COPA: variants seen among roughly 807,000 people sequenced by gnomAD.
COPA encodes coat protein complex I subunit alpha.
COPA carries 10 observed loss-of-function variants against 158.7 expected under a neutral mutation model. The ratio of observed to expected loss-of-function variants is 0.06; its 90% CI spans 0.04 to 0.11. COPA has a LOEUF of 0.11. Among genes scored for constraint, COPA ranks in the 10% least tolerant of loss-of-function variants. The pLI is 1.00. For synonymous variants in COPA, 462 were observed against 542.8 expected (o/e 0.85, Z 2.07); for missense variants, 1,065 against 1,536.7 (o/e 0.69, Z 5.13).
intron 8 of COPA, among the ~76,000 whole-genome samples, chr1:160,321,419 A>G (rs1259312207): frequency 6.6e-6 from 1 of 152,240 alleles, no homozygotes; most frequent in South Asian, 2.1e-4. Context: ...ACATTATCAT[A>G]TACTTAGAAA....
At chr1:160,305,019 A>T (rs1658736855) in intron 17 of COPA, among the ~76,000 whole-genome samples, 1 of 152,208 alleles carries the variant, frequency 6.6e-6, no homozygotes, top group Non-Finnish European at 1.5e-5. Context: ...GCAAAACTAA[A>T]TCATATTAAG....
chr1:160,307,440 C>A (rs988311791), intron 13 of COPA, among the ~76,000 whole-genome samples, 195 bp from the exon 14 acceptor site: 1 of 152,236 alleles, frequency 6.6e-6, no homozygotes, highest in Non-Finnish European at 1.5e-5. Flanking sequence ...CAAACACCAA[C>A]CACCACCCCT....
chr1:160,337,588 G>A (rs982046465), intron 3 of COPA, among the ~76,000 whole-genome samples: 5 of 152,034 alleles, frequency 3.3e-5, no homozygotes, highest in Non-Finnish European at 7.4e-5. Flanking sequence ...GCTTGGTGGC[G>A]CATGCCTGTA....
At chr1:160,328,729 A>G (rs1647367066) in intron 6 of COPA, among the ~76,000 whole-genome samples, 1 of 152,236 alleles carries the variant, frequency 6.6e-6, no homozygotes. Context: ...TAGAAGCTCA[A>G]GTTAAGAAAG....
chr1:160,321,293 T>A (rs988408313), intron 8 of COPA, among the ~76,000 whole-genome samples: 2 of 152,196 alleles, frequency 1.3e-5, no homozygotes, highest in African/African-American at 2.4e-5. Context: ...AAGGCAAGGA[T>A]GCCCACTTTT....
intron 17 of COPA, among the ~76,000 whole-genome samples, chr1:160,301,887 G>A (rs1342942163): frequency 6.6e-6 from 1 of 151,366 alleles, no homozygotes; most frequent in Non-Finnish European, 1.5e-5. Flanking sequence ...AAAAGAAATA[G>A]CAAAATTCCT....
At chr1:160,339,861 TC>T in intron 3 of COPA, 47 bp downstream of exon 3, 1 of 1,552,396 alleles carries the variant, frequency 6.4e-7, no homozygotes, top group Non-Finnish European at 8.9e-7. Context: ...TCCCAAACCT[TC>T]CCACATCCTC....
chr1:160,338,926 T>C (rs1274810280), intron 3 of COPA, among the ~76,000 whole-genome samples: 1 of 152,170 alleles, frequency 6.6e-6, no homozygotes, highest in African/African-American at 2.4e-5. Context: ...ATCACAAATA[T>C]ATTTCTAGCA....
At chr1:160,312,946 G>T in intron 10 of COPA, 139 bp downstream of exon 10, 1 of 705,422 alleles carries the variant, frequency 1.4e-6, no homozygotes, top group Non-Finnish European at 2.3e-6. Flanking sequence ...AAGGAGAAAA[G>T]CTTCAACTAA....
At chr1:160,342,602 T>C (rs186977240) in intron 1 of COPA, among the ~76,000 whole-genome samples, 34 of 152,300 alleles carry the variant, frequency 2.2e-4, no homozygotes, top group African/African-American at 7.7e-4. Context: ...GAGACTTTAT[T>C]GGGGTTATAA....
chr1:160,290,115 G>C lies in COPA; in HGVS notation c.*42C>G. On this transcript the variant is annotated 3_prime_UTR_variant, in exon 33 of 33. Coordinates refer to ENST00000241704, the MANE Select transcript of COPA (RefSeq NM_004371.4). ...AAGGAGGATATAGACACATTCTCTG[G>C]GGGGAACATATGGTGACTGACCCAT... is the stretch of plus-strand genomic sequence containing the variant. 6.3e-7 allele frequency: 1 copy of C among 1,591,836 alleles called. No homozygotes were observed. The highest frequency in any genetic ancestry group is 1.7e-4 in the Middle Eastern group (1 of 5,996).
Position 160,328,613 on chromosome 1 carries a change from C to A in COPA, c.497-2961G>T, listed in dbSNP as rs150972423. Among the ~76,000 whole-genome samples, 104 of 152,268 alleles carry A rather than the reference C, an allele frequency of 6.8e-4. 1 individual carries two copies. Among genetic ancestry groups the A allele is most frequent in the African/African-American group, 2.3e-3 (97 of 41,560 alleles). ...GAGGGATGATAACAGGATTTGGCAGCAAATTAATACTTTTTTAGTAGCCTT... is the reference window on the plus strand; with the variant it reads ...GAGGGATGATAACAGGATTTGGCAGAAAATTAATACTTTTTTAGTAGCCTT... On this transcript the variant is annotated intron_variant, in intron 6 of 32. Coordinates refer to ENST00000241704, the MANE Select transcript of COPA (RefSeq NM_004371.4).
At chr1:160,294,376 G>A in intron 25 of COPA, 108 bp downstream of exon 25, 1 of 902,354 alleles carries the variant, frequency 1.1e-6, no homozygotes, top group Non-Finnish European at 1.8e-6. Context: ...TAGGATAGTG[G>A]TAGGGGATAG....
At position 160,309,619 on chromosome 1, in the gene COPA, C is replaced by CA. The variant is rs559881474; in HGVS notation, c.1144-444dup. Among the ~76,000 whole-genome samples, 79 of 151,744 alleles carry CA rather than the reference C, an allele frequency of 5.2e-4. 1 individual carries two copies. The East Asian group carries it at 0.014, about 26-fold the overall frequency. On this transcript the variant is annotated intron_variant, in intron 12 of 32. Coordinates refer to ENST00000241704, the MANE Select transcript of COPA (RefSeq NM_004371.4). The stretch of plus-strand genomic sequence containing the variant: ...AAAAGAAAAAACACTCAAGAAAACT[C>CA]AGAGTATGGGACTACTAGATATTAA...
intron 15 of COPA, 36 bp from the exon 16 acceptor site, chr1:160,305,809 C>G: frequency 6.4e-7 from 1 of 1,550,668 alleles, no homozygotes; most frequent in Non-Finnish European, 8.9e-7. Context: ...ATGAATGGAT[C>G]TATTTCCCTT....
rs1231813336 is a variant in COPA at position 160,296,122 on chromosome 1, G to A, written c.2291C>T (p.Thr764Ile). ...CTCAGCTTCTTCATCTAAGCCATGG[G>A]TAGCAGCTGTGAGATAGGCCAGGGA... Reference protein sequence around the residue: ...QKSLAYLTAATHGLDEEAESL... With the variant: ...QKSLAYLTAAIHGLDEEAESL... The change falls in exon 22 of 33, where the codon ACC becomes ATC. Residue 764 changes from threonine to isoleucine, a missense_variant. Physicochemically the swap from Thr to Ile is moderately conservative, Grantham distance 89. Coordinates refer to ENST00000241704, the MANE Select transcript of COPA (RefSeq NM_004371.4). 4 of 1,614,166 alleles carry A rather than the reference G, an allele frequency of 2.5e-6. 1 individual carries two copies. The Admixed American group carries it at 6.7e-5, about 27-fold the overall frequency.
In COPA at chr1:160,323,911, G is replaced by A. The variant is rs1398524449; in HGVS notation, c.607-381C>T. ...GAGTCTCGCTCTGTCACCCAGGCTGGAGTGCAGTGGCACGATCTCAGCTCA... is the reference window on the plus strand; with the variant it reads ...GAGTCTCGCTCTGTCACCCAGGCTGAAGTGCAGTGGCACGATCTCAGCTCA... On this transcript the variant is annotated intron_variant, in intron 7 of 32. Coordinates refer to ENST00000241704, the MANE Select transcript of COPA (RefSeq NM_004371.4). Among the ~76,000 whole-genome samples the A allele has an allele frequency of 2.0e-5, 3 of 152,072 alleles. No homozygotes were observed. The South Asian group carries it at 6.3e-4, about 32-fold the overall frequency.
At chr1:160,290,440 T>C in intron 32 of COPA, 52 bp downstream of exon 32, 3 of 1,568,426 alleles carry the variant, frequency 1.9e-6, no homozygotes, top group Non-Finnish European at 2.6e-6. Flanking sequence ...TGTTTCTTTC[T>C]TTTTCCCCTT....
chr1:160,340,012 G>A, intron 2 of COPA, 30 bp from the exon 3 acceptor site: 2 of 1,608,808 alleles, frequency 1.2e-6, no homozygotes, highest in Non-Finnish European at 1.7e-6. Context: ...ATGTATGTTA[G>A]ACAGAGCTAT....
Sources: allele counts gnomAD v4.1 joint callset (sites outside exome capture counted in the v4.1 genomes callset), GRCh38; gene constraint gnomAD v4.1.1; transcripts MANE v1.5; gene names NCBI Gene and HGNC (gene_info 2026-07-23, HGNC 2026-07-21).